Variants in ASTN1 observed in about 807,000 individuals in gnomAD.
ASTN1 encodes the protein astrotactin 1, also known as astrotactin-1.
Under a neutral mutation model 140.7 loss-of-function variants are expected in ASTN1, and 41 were observed. That is an observed-to-expected ratio of 0.29 (90% CI 0.23 to 0.38). ASTN1 has a LOEUF of 0.38. Ranked by LOEUF, ASTN1 falls within the 10% of genes least tolerant of loss-of-function variation. The pLI is 1.00. For missense variants in ASTN1, 1,479 were observed against 1,678.8 expected, an observed-to-expected ratio of 0.88 and a Z score of 2.08; for synonymous variants, 640 against 652.2, an observed-to-expected ratio of 0.98 and a Z score of 0.29.
chr1:177,009,145 C>T (rs1675157555), intron 8 of ASTN1, among the ~76,000 whole-genome samples: 1 of 152,144 alleles, frequency 6.6e-6, no homozygotes. Context: ...CCAGTCACTG[C>T]CCTAAGATGG....
In ASTN1 at chr1:176,924,850, C is replaced by T. The variant is rs111837912; in HGVS notation, c.2671+9302G>A. Among the ~76,000 whole-genome samples, 461 of 152,306 alleles carry T rather than the reference C, an allele frequency of 3.0e-3. 3 individuals carry two copies. Among genetic ancestry groups the T allele is most frequent in the African/African-American group, 0.01 (429 of 41,574 alleles). ...TAGAATTTTCCCATCAACCAAAATA[C>T]TATCCAGGTTAGGATGCAAAACTCT... On this transcript the variant is annotated intron_variant, in intron 16 of 22. Coordinates refer to ENST00000361833, the MANE Select transcript of ASTN1 (RefSeq NM_004319.3).
chr1:176,960,529 C>T (rs570041049), intron 9 of ASTN1, among the ~76,000 whole-genome samples: 1 of 152,318 alleles, frequency 6.6e-6, no homozygotes, highest in Non-Finnish European at 1.5e-5. Context: ...CCATCCATCT[C>T]ACAGTTTTCT....
chr1:176,867,367 G>A (rs1668163974), intron 22 of ASTN1, among the ~76,000 whole-genome samples: 1 of 152,172 alleles, frequency 6.6e-6, no homozygotes, highest in African/African-American at 2.4e-5. Context: ...GAGGGAGGTA[G>A]AAGGGAGTGG....
intron 2 of ASTN1, among the ~76,000 whole-genome samples, chr1:177,046,700 T>C (rs1571704399): frequency 6.6e-6 from 1 of 152,194 alleles, no homozygotes; most frequent in South Asian, 2.1e-4. Context: ...GAGAGTGAGA[T>C]GGCCTCATGA....
At chr1:177,120,374 C>T (rs939022340) in intron 1 of ASTN1, among the ~76,000 whole-genome samples, 4 of 152,168 alleles carry the variant, frequency 2.6e-5, no homozygotes, top group African/African-American at 9.7e-5. Flanking sequence ...ACCTGCTTGC[C>T]CTCTGGTCAC....
chr1:176,906,403 C>T (rs964651112), intron 16 of ASTN1, among the ~76,000 whole-genome samples: 6 of 152,122 alleles, frequency 3.9e-5, no homozygotes, highest in Admixed American at 3.9e-4. Flanking sequence ...AAACAGTGCT[C>T]AGTGCTCCAT....
chr1:177,070,411 T>C (rs1018273112), intron 1 of ASTN1, among the ~76,000 whole-genome samples: 9 of 152,208 alleles, frequency 5.9e-5, no homozygotes, highest in African/African-American at 2.2e-4. Context: ...TCTTGCCTTA[T>C]AAAATGAATG....
chr1:176,871,310 A>G (rs1668334642), intron 21 of ASTN1, among the ~76,000 whole-genome samples: 1 of 152,088 alleles, frequency 6.6e-6, no homozygotes, highest in South Asian at 2.1e-4. Context: ...TGACCGGGGG[A>G]GGAAAAATGC....
chr1:176,958,222 G>T, intron 10 of ASTN1, 123 bp downstream of exon 10: 2 of 1,463,122 alleles, frequency 1.4e-6, no homozygotes, highest in Non-Finnish European at 9.3e-7. Flanking sequence ...GAATTTGCAG[G>T]CTGCCTGCCA....
At chr1:176,908,468 G>A (rs1348785080) in intron 16 of ASTN1, among the ~76,000 whole-genome samples, 1 of 152,196 alleles carries the variant, frequency 6.6e-6, no homozygotes, top group African/African-American at 2.4e-5. Context: ...AAGCAGCCAA[G>A]GCAGAGGCTA....
At chr1:177,011,341 T>C (rs1391297844) in intron 8 of ASTN1, among the ~76,000 whole-genome samples, 1 of 152,186 alleles carries the variant, frequency 6.6e-6, no homozygotes, top group African/African-American at 2.4e-5. Context: ...TAGTAAGTAT[T>C]AGATTTCATT....
intron 19 of ASTN1, among the ~76,000 whole-genome samples, chr1:176,883,820 G>A (rs1668910614): frequency 6.6e-6 from 1 of 151,524 alleles, no homozygotes; most frequent in Non-Finnish European, 1.5e-5. Context: ...TTTTTCATGG[G>A]GTGTTTCCAT....
chr1:177,127,813 A>G (rs1206371139), intron 1 of ASTN1, among the ~76,000 whole-genome samples: 1 of 152,210 alleles, frequency 6.6e-6, no homozygotes, highest in Admixed American at 6.5e-5. Flanking sequence ...TGATTTATTT[A>G]AACAGTTTGT....
At chr1:177,094,104 A>T (rs1270324007) in intron 1 of ASTN1, among the ~76,000 whole-genome samples, 1 of 152,296 alleles carries the variant, frequency 6.6e-6, no homozygotes, top group East Asian at 1.9e-4. Flanking sequence ...AATGATCACC[A>T]TTGTCATTTC....
chr1:176,996,969 C>G (rs1401222035), intron 8 of ASTN1, among the ~76,000 whole-genome samples: 1 of 152,164 alleles, frequency 6.6e-6, no homozygotes, highest in Non-Finnish European at 1.5e-5. Context: ...AAAGTTAAAA[C>G]CAAACCAATT....
At chr1:177,072,618 GTTTC>G (rs1678697323) in intron 1 of ASTN1, among the ~76,000 whole-genome samples, 1 of 152,132 alleles carries the variant, frequency 6.6e-6, no homozygotes, top group Non-Finnish European at 1.5e-5. Context: ...TGACAGAACA[GTTTC>G]TTTATTATTG....
intron 8 of ASTN1, among the ~76,000 whole-genome samples, chr1:176,987,223 T>C (rs911179620): frequency 1.3e-5 from 2 of 152,132 alleles, no homozygotes; most frequent in East Asian, 1.9e-4. Flanking sequence ...GGCCAGACAA[T>C]AAATATTTTT....
intron 14 of ASTN1, among the ~76,000 whole-genome samples, chr1:176,938,123 A>G (rs76501797): frequency 0.014 from 2,141 of 152,298 alleles, 54 homozygotes; most frequent in African/African-American, 0.048. Flanking sequence ...TCTTTCAAAT[A>G]TTCTTTCAGG....
intron 20 of ASTN1, among the ~76,000 whole-genome samples, chr1:176,877,129 C>T (rs1477481188): frequency 6.6e-6 from 1 of 152,190 alleles, no homozygotes; most frequent in Non-Finnish European, 1.5e-5. Context: ...TCTGAAGCCA[C>T]ATAGTTATAG....
Sources: gnomAD v4.1 joint callset for allele counts (sites outside exome capture counted in the v4.1 genomes callset) on GRCh38, gnomAD v4.1.1 for gene constraint, MANE v1.5 for transcripts, NCBI Gene and HGNC (gene_info 2026-07-23, HGNC 2026-07-21) for gene names.